Variants in NKAIN2 observed in about 807,000 individuals in gnomAD.
NKAIN2 encodes sodium/potassium-transporting ATPase subunit beta-1-interacting protein 2.
In NKAIN2, 14 loss-of-function variants were observed where a neutral mutation model predicts 32.6. That is an observed-to-expected ratio of 0.43 (90% CI 0.28 to 0.67). The LOEUF is 0.67. Ranked by LOEUF, NKAIN2 falls within the 30% of genes least tolerant of loss-of-function variation. The probability of loss-of-function intolerance (pLI) is 0.17; values close to 1 mark genes in which losing one functional copy is unlikely to be tolerated. For missense variants in NKAIN2, 198 were observed against 258.3 expected (o/e 0.77, Z 1.60); for synonymous variants, 80 against 87.2 (o/e 0.92, Z 0.46).
chr6:123,858,084 A>T (rs749659071), intron 1 of NKAIN2, among the ~76,000 whole-genome samples: 1 of 152,018 alleles, frequency 6.6e-6, no homozygotes, highest in Non-Finnish European at 1.5e-5. Context: ...TTCACATACT[A>T]TGTGTGGAAC....
At chr6:124,510,476 T>G (rs554996412) in intron 3 of NKAIN2, among the ~76,000 whole-genome samples, 1 of 152,230 alleles carries the variant, frequency 6.6e-6, no homozygotes, top group African/African-American at 2.4e-5. Flanking sequence ...TGCTTTCTCA[T>G]AAATGTTAGT....
intron 1 of NKAIN2, among the ~76,000 whole-genome samples, chr6:123,851,242 C>CTTTTTT (rs1383360552): frequency 7.0e-5 from 5 of 71,040 alleles, no homozygotes; most frequent in African/African-American, 2.9e-4. Context: ...TATGGTGGTT[C>CTTTTTT]TATTTTTTTT....
intron 3 of NKAIN2, among the ~76,000 whole-genome samples, chr6:124,382,668 C>T (rs550533875): frequency 6.6e-6 from 1 of 152,212 alleles, no homozygotes; most frequent in African/African-American, 2.4e-5. Flanking sequence ...CAGAAGAAAA[C>T]AGTACCCCAA....
chr6:124,729,514 C>A (rs545050664), intron 4 of NKAIN2, among the ~76,000 whole-genome samples: 69 of 151,526 alleles, frequency 4.6e-4, no homozygotes, highest in Admixed American at 2.6e-3. Flanking sequence ...AACAACCCTT[C>A]ATGCTAAAAA....
In NKAIN2 at chr6:124,121,063, C is replaced by G. The variant is rs141859837; in HGVS notation, c.55-161942C>G. Among the ~76,000 whole-genome samples the G allele has an allele frequency of 2.0e-5, 3 of 152,096 alleles. No homozygotes were observed. In the East Asian group the frequency reaches 5.8e-4, roughly 29 times the overall value. ...AAATAAAGATCAATAAAAGCTAAACCGAATGTTCCTGAAATCTTTTCTGCA... is the reference window on the plus strand; with the variant it reads ...AAATAAAGATCAATAAAAGCTAAACGGAATGTTCCTGAAATCTTTTCTGCA... On this transcript the variant is annotated intron_variant, in intron 1 of 6. Coordinates refer to ENST00000368417, the MANE Select transcript of NKAIN2 (RefSeq NM_001040214.3).
intron 3 of NKAIN2, among the ~76,000 whole-genome samples, chr6:124,646,440 AAC>A (rs1784171942): frequency 6.6e-6 from 1 of 152,192 alleles, no homozygotes; most frequent in South Asian, 2.1e-4. Flanking sequence ...CTGTCTGACT[AAC>A]AGAATTTCCT....
chr6:123,977,528 G>T (rs1261965944), intron 1 of NKAIN2, among the ~76,000 whole-genome samples: 1 of 152,110 alleles, frequency 6.6e-6, no homozygotes, highest in Non-Finnish European at 1.5e-5. Context: ...TGAGAGGAGG[G>T]CTGTAACTCA....
chr6:123,873,684 A>G, intron 1 of NKAIN2, among the ~76,000 whole-genome samples: 1 of 152,180 alleles, frequency 6.6e-6, no homozygotes, highest in East Asian at 1.9e-4. Flanking sequence ...GGTTATATTT[A>G]TGGAGAATAG....
intron 1 of NKAIN2, among the ~76,000 whole-genome samples, chr6:124,130,976 T>C (rs1278655436): frequency 6.6e-6 from 1 of 152,196 alleles, no homozygotes; most frequent in African/African-American, 2.4e-5. Context: ...TGTCTTGGCC[T>C]GGTGTCTGTT....
At chr6:123,982,363 G>A (rs1562291464) in intron 1 of NKAIN2, among the ~76,000 whole-genome samples, 1 of 152,142 alleles carries the variant, frequency 6.6e-6, no homozygotes, top group Non-Finnish European at 1.5e-5. Context: ...TGTCAAAGAA[G>A]GATTTATTAT....
At chr6:124,712,800 G>A (rs1251773666) in intron 4 of NKAIN2, among the ~76,000 whole-genome samples, 1 of 151,924 alleles carries the variant, frequency 6.6e-6, no homozygotes, top group East Asian at 1.9e-4. Context: ...GACCGGAGCT[G>A]TTCCTATTCG....
chr6:124,225,361 A>T (rs940488295), intron 1 of NKAIN2, among the ~76,000 whole-genome samples: 4 of 152,044 alleles, frequency 2.6e-5, no homozygotes, highest in Non-Finnish European at 5.9e-5. Context: ...TCATACAAAG[A>T]TATTCTCATT....
chr6:123,911,418 C>T, intron 1 of NKAIN2, among the ~76,000 whole-genome samples: 1 of 151,818 alleles, frequency 6.6e-6, no homozygotes, highest in Non-Finnish European at 1.5e-5. Context: ...AGGTGCCAGA[C>T]TCTTCAACAA....
chr6:124,049,722 C>T (rs897016496), intron 1 of NKAIN2, among the ~76,000 whole-genome samples: 5 of 151,966 alleles, frequency 3.3e-5, no homozygotes, highest in African/African-American at 1.2e-4. Context: ...TCCCTTTGTC[C>T]AGCATGTCTA....
At chr6:124,340,608 A>T (rs1457692129) in intron 2 of NKAIN2, among the ~76,000 whole-genome samples, 1 of 152,046 alleles carries the variant, frequency 6.6e-6, no homozygotes, top group Non-Finnish European at 1.5e-5. Context: ...TTTAGCTCCC[A>T]CTTAGAGGTG....
rs868745635 is a variant in NKAIN2, at chr6:124,028,769, G to A, written c.54+224515G>A. Among the ~76,000 whole-genome samples, 4 of 140,238 alleles carry A rather than the reference G, an allele frequency of 2.9e-5. No homozygotes were observed. The South Asian group carries it at 6.4e-4, about 22-fold the overall frequency. The allele number at this position is 140,238 out of a possible 152,430, so 92.0% of individuals were successfully genotyped here. Reference sequence around the variant, plus strand: ...TGTGTATATATACAAGTATATAAGTGTATATACATATATACGCATATACGT... The same window carrying A: ...TGTGTATATATACAAGTATATAAGTATATATACATATATACGCATATACGT... On this transcript the variant is annotated intron_variant, in intron 1 of 6. Transcript: ENST00000368417.
At chr6:124,358,614 G>C (rs559394069) in intron 3 of NKAIN2, among the ~76,000 whole-genome samples, 1 of 152,232 alleles carries the variant, frequency 6.6e-6, no homozygotes. Flanking sequence ...CCCACTTTTT[G>C]ATGGGGTTGT....
intron 1 of NKAIN2, among the ~76,000 whole-genome samples, chr6:123,953,018 T>C (rs184904184): frequency 6.6e-6 from 1 of 152,208 alleles, no homozygotes; most frequent in African/African-American, 2.4e-5. Context: ...ATATTCTGAA[T>C]TTACTTTTGT....
chr6:124,529,455 A>T (rs1212908042), intron 3 of NKAIN2, among the ~76,000 whole-genome samples: 1 of 152,184 alleles, frequency 6.6e-6, no homozygotes, highest in African/African-American at 2.4e-5. Context: ...GAAAACCCTT[A>T]TAATTTAGTC....
Sources: gnomAD v4.1 joint callset for allele counts (sites outside exome capture counted in the v4.1 genomes callset) on GRCh38, gnomAD v4.1.1 for gene constraint, MANE v1.5 for transcripts, NCBI Gene and HGNC (gene_info 2026-07-23, HGNC 2026-07-21) for gene names.